The following BICD2 variants were observed in gnomAD, a reference collection of about 807,000 sequenced individuals.
The protein encoded by BICD2 is protein bicaudal D homolog 2.
In BICD2, 25 loss-of-function variants were observed where a neutral mutation model predicts 72.9. The ratio of observed to expected loss-of-function variants is 0.34; its 90% CI spans 0.25 to 0.48. The LOEUF (loss-of-function observed/expected upper bound fraction) is 0.48, where lower values mean the gene tolerates loss of function less well. Ranked by LOEUF, BICD2 falls within the 20% of genes least tolerant of loss-of-function variation. BICD2 has a pLI of 0.99. For synonymous variants in BICD2, 501 were observed against 516.1 expected (o/e 0.97, Z 0.40); for missense variants, 894 against 1,175.2 (o/e 0.76, Z 3.50).
At chr9:92,729,566 G>A (rs1159181268) in intron 1 of BICD2, among the ~76,000 whole-genome samples, 2 of 152,248 alleles carry the variant, frequency 1.3e-5, no homozygotes, top group Non-Finnish European at 2.9e-5. Context: ...CTGGGGGCCG[G>A]CAGAGGGAGC....
At position 92,720,900 on chromosome 9, in the gene BICD2, G is replaced by A; in HGVS notation, c.607-145C>T. 1 of 857,228 alleles carries A rather than the reference G, an allele frequency of 1.2e-6. No homozygotes were observed. The allele number at this position is 857,228 out of a possible 1,614,324, so 53.1% of individuals were successfully genotyped here. A position where few individuals can be genotyped will look rare whatever the true frequency, so the allele number is the denominator to read the frequency against. On this transcript the variant is annotated intron_variant, in intron 3 of 6. Coordinates refer to ENST00000356884, the MANE Select transcript of BICD2 (RefSeq NM_001003800.2). This position sits in a 1 kb window ranked among gnomAD's most constrained non-coding sequence, Gnocchi z 5.4. ...GCCAGGTGAGGTGCCATCCTGGGAA[G>A]GGTGGCAGCCCGTCCAGGCCAAGAC...
Position 92,722,504 on chromosome 9 carries a change from C to A in BICD2, c.606+152G>T, listed in dbSNP as rs1435582179. On this transcript the variant is annotated intron_variant, in intron 3 of 6. Coordinates refer to ENST00000356884, the MANE Select transcript of BICD2 (RefSeq NM_001003800.2). ...GAGAGTCTGGGTCCCACCAAGTATA[C>A]CCCTGCCTCCACAGTGGTAAAGCTG... The A allele has an allele frequency of 3.2e-5, 32 of 995,596 alleles. No homozygotes were observed. In the East Asian group the frequency reaches 7.7e-4, roughly 24 times the overall value. 61.7% of individuals were successfully genotyped at this position (995,596 alleles called of 1,614,324 possible). A position where few individuals can be genotyped will look rare whatever the true frequency, so the allele number is the denominator to read the frequency against.
intron 1 of BICD2, among the ~76,000 whole-genome samples, chr9:92,752,334 TAAA>T (rs75607850): frequency 1.4e-5 from 2 of 144,588 alleles, no homozygotes; most frequent in East Asian, 2.0e-4. Context: ...GGAAGCACTT[TAAA>T]AAAAAAAAAA....
chr9:92,758,798 G>A (rs1404137131), intron 1 of BICD2, among the ~76,000 whole-genome samples: 2 of 151,774 alleles, frequency 1.3e-5, no homozygotes, highest in Non-Finnish European at 2.9e-5. Context: ...AGGTTGTGGT[G>A]AGCCAAGATC....
intron 1 of BICD2, among the ~76,000 whole-genome samples, chr9:92,738,253 G>T (rs2131518884): frequency 6.6e-6 from 1 of 152,336 alleles, no homozygotes; most frequent in Admixed American, 6.5e-5. Context: ...CACCAGGTCA[G>T]GGTCATCCAC....
At chr9:92,734,788 C>T (rs544176201) in intron 1 of BICD2, among the ~76,000 whole-genome samples, 31 of 152,298 alleles carry the variant, frequency 2.0e-4, no homozygotes, top group African/African-American at 7.2e-4. Flanking sequence ...AGGGTATGAT[C>T]CCCTGCCCAC....
At chr9:92,724,285 G>C (rs1564062662) in intron 2 of BICD2, among the ~76,000 whole-genome samples, 1 of 152,128 alleles carries the variant, frequency 6.6e-6, no homozygotes, top group Non-Finnish European at 1.5e-5. Context: ...ATACTTTATA[G>C]ACAAGATTCC....
At chr9:92,718,086 G>A in intron 5 of BICD2, 138 bp from the exon 6 acceptor site, 1 of 1,081,910 alleles carries the variant, frequency 9.2e-7, no homozygotes, top group Non-Finnish European at 1.3e-6. Context: ...CCCTCCCTGT[G>A]ACAAACCCTG....
intron 1 of BICD2, among the ~76,000 whole-genome samples, chr9:92,740,893 C>A (rs545129779): frequency 6.6e-6 from 1 of 152,310 alleles, no homozygotes; most frequent in South Asian, 2.1e-4. Context: ...CACCAGCAGG[C>A]CTGCCTCACA....
intron 1 of BICD2, among the ~76,000 whole-genome samples, chr9:92,741,153 G>A (rs943029376): frequency 2.0e-5 from 3 of 152,282 alleles, no homozygotes; most frequent in Admixed American, 6.5e-5. Flanking sequence ...CAAACTCAAC[G>A]GGAATGTTCA....
Position 92,714,101 on chromosome 9 carries a change from A to C in BICD2, c.*1053T>G. 1.0e-6 allele frequency: 1 copy of C among 985,948 alleles called. No homozygotes were observed. The allele number at this position is 985,948 out of a possible 1,614,324, so 61.1% of individuals were successfully genotyped here. A position where few individuals can be genotyped will look rare whatever the true frequency, so the allele number is the denominator to read the frequency against. On this transcript the variant is annotated 3_prime_UTR_variant, in exon 7 of 7. Coordinates refer to ENST00000356884, the MANE Select transcript of BICD2 (RefSeq NM_001003800.2). ...TCTCTGTTGCCATCCCCCAGATTGC[A>C]CTAAATAAAGAGACCTAAACATCTC...
rs1164296084 is a variant in BICD2 at position 92,722,649 on chromosome 9, G to C, written c.606+7C>G. On this transcript the variant is annotated splice_region_variant and intron_variant, in intron 3 of 6. Transcript: ENST00000356884. ...TGCCACCTCCACCCCACAGGCCCAAGACTCACCTGGTTCTGTCTGAGCACA... is the reference window on the plus strand; with the variant it reads ...TGCCACCTCCACCCCACAGGCCCAACACTCACCTGGTTCTGTCTGAGCACA... 6.2e-7 allele frequency: 1 copy of C among 1,614,058 alleles called. No individual in the cohort carries two copies. Among genetic ancestry groups the C allele is most frequent in the Non-Finnish European group, 8.5e-7 (1 of 1,180,022 alleles).
intron 1 of BICD2, among the ~76,000 whole-genome samples, chr9:92,757,644 T>C (rs1008887015): frequency 1.3e-4 from 19 of 151,268 alleles, no homozygotes; most frequent in Middle Eastern, 3.4e-3. Context: ...GAGGCGGAGC[T>C]TGCAGTAAGC....
intron 1 of BICD2, among the ~76,000 whole-genome samples, chr9:92,756,761 G>A (rs991887286): frequency 4.0e-5 from 6 of 151,734 alleles, no homozygotes; most frequent in African/African-American, 1.4e-4. Context: ...CAGCTACTCA[G>A]GAGGCTCAGG....
chr9:92,743,493 C>A (rs1434515490), intron 1 of BICD2, among the ~76,000 whole-genome samples: 4 of 152,120 alleles, frequency 2.6e-5, no homozygotes, highest in East Asian at 1.9e-4. Context: ...CCGTGTTCAG[C>A]CTCTTTCCAT....
chr9:92,744,392 G>A (rs536329646), intron 1 of BICD2, among the ~76,000 whole-genome samples: 1 of 152,156 alleles, frequency 6.6e-6, no homozygotes, highest in Non-Finnish European at 1.5e-5. Context: ...GAGCAGCTCT[G>A]GGAAGCTGAC....
chr9:92,748,017 T>C (rs1262600870), intron 1 of BICD2, among the ~76,000 whole-genome samples: 1 of 152,186 alleles, frequency 6.6e-6, no homozygotes, highest in Non-Finnish European at 1.5e-5. Context: ...TGAATATGTA[T>C]GCCATATGTA....
intron 2 of BICD2, among the ~76,000 whole-genome samples, chr9:92,723,128 G>A (rs987723609): frequency 2.6e-5 from 4 of 152,154 alleles, no homozygotes; most frequent in Non-Finnish European, 2.9e-5. Context: ...TATTGGGCAT[G>A]TACACAGTAG....
chr9:92,729,334 G>GCAA (rs140004685), intron 1 of BICD2, 98 bp from the exon 2 acceptor site: 4 of 1,300,346 alleles, frequency 3.1e-6, no homozygotes, highest in Admixed American at 4.0e-5. Flanking sequence ...CAGAACAACA[G>GCAA]CAACAACAAC....
Sources: gnomAD v4.1 joint callset for allele counts (sites outside exome capture counted in the v4.1 genomes callset) on GRCh38, gnomAD v4.1.1 for gene constraint, Gnocchi (gnomAD v3.1) non-coding constraint, MANE v1.5 for transcripts, NCBI Gene and HGNC (gene_info 2026-07-23, HGNC 2026-07-21) for gene names.